MPPED1: variants seen among roughly 807,000 people sequenced by gnomAD.
MPPED1 encodes metallophosphoesterase domain-containing protein 1.
Under a neutral mutation model 36.2 loss-of-function variants are expected in MPPED1, and 16 were observed. The observed-to-expected ratio is 0.44, with a 90% confidence interval of 0.30 to 0.67. The LOEUF is 0.67. Ranked by LOEUF, MPPED1 falls within the 30% of genes least tolerant of loss-of-function variation. The probability of loss-of-function intolerance (pLI) is 0.10; values close to 1 mark genes in which losing one functional copy is unlikely to be tolerated. For missense variants in MPPED1, 307 were observed against 453.4 expected (o/e 0.68, Z 2.93); for synonymous variants, 199 against 191.3 (o/e 1.04, Z -0.33).
At chr22:43,496,526 A>G (rs867570178) in intron 4 of MPPED1, among the ~76,000 whole-genome samples, 6 of 16,240 alleles carry the variant, frequency 3.7e-4, no homozygotes, top group Admixed American at 8.0e-4. Context: ...GGTGGTGGAG[A>G]TGGTGGTGGT....
chr22:43,488,554 C>T (rs1203790657), intron 4 of MPPED1, among the ~76,000 whole-genome samples: 1 of 152,146 alleles, frequency 6.6e-6, no homozygotes, highest in Non-Finnish European at 1.5e-5. Flanking sequence ...TCGAAGGTTA[C>T]CATAAGAGCA....
At position 43,426,903 on chromosome 22, in the gene MPPED1, C is replaced by T. The variant is rs142619586; in HGVS notation, c.224+1694C>T. On this transcript the variant is annotated intron_variant, in intron 2 of 6. Transcript: ENST00000443721. ...CGGGTTTGGGCAGGAAGGAAGGCCC[C>T]GGGCCTCAGGCTTGCCGCTCCTCGG... 4.4e-3 allele frequency among the ~76,000 whole-genome samples: 664 copies of T among 152,294 alleles called. 5 individuals are homozygous for T. Among genetic ancestry groups the T allele is most frequent in the Admixed American group, 0.011 (161 of 15,298 alleles).
chr22:43,415,225 C>CAAAAAGAAAAAAAAAAA (rs1929036725), intron 1 of MPPED1, among the ~76,000 whole-genome samples: 1 of 49,414 alleles, frequency 2.0e-5, no homozygotes, highest in Non-Finnish European at 3.5e-5. Flanking sequence ...ATGTCAAAAG[C>CAAAAAGAAAAAAAAAAA]AAAAAAAAAA....
chr22:43,439,952 G>A (rs187875759), intron 3 of MPPED1, among the ~76,000 whole-genome samples: 62 of 152,358 alleles, frequency 4.1e-4, no homozygotes, highest in Admixed American at 3.1e-3. Flanking sequence ...TCCTCTGTAC[G>A]CCCAGAGCTC....
chr22:43,496,233 T>A (rs1254721259), intron 4 of MPPED1, among the ~76,000 whole-genome samples: 10 of 104,898 alleles, frequency 9.5e-5, no homozygotes, highest in African/African-American at 4.5e-5. Context: ...ATGGTGGTGG[T>A]GGAGGTGGTG....
chr22:43,505,422 C>T (rs1932788491), intron 6 of MPPED1, 76 bp from the exon 7 acceptor site: 1 of 1,331,380 alleles, frequency 7.5e-7, no homozygotes, highest in Non-Finnish European at 1.0e-6. Flanking sequence ...GGCTGAGTGC[C>T]CTATGACTGC....
At chr22:43,483,501 C>T (rs572334197) in intron 4 of MPPED1, among the ~76,000 whole-genome samples, 3 of 152,396 alleles carry the variant, frequency 2.0e-5, no homozygotes, top group South Asian at 2.1e-4. Flanking sequence ...GCCACGCCCT[C>T]GGTGCCTCCT....
At chr22:43,466,339 G>A (rs972789719) in intron 3 of MPPED1, among the ~76,000 whole-genome samples, 3 of 152,050 alleles carry the variant, frequency 2.0e-5, no homozygotes, top group Admixed American at 2.0e-4. Flanking sequence ...TTGTGGCACC[G>A]AGCTCTGGGA....
At position 43,505,624 on chromosome 22, in the gene MPPED1, C is replaced by T; in HGVS notation, c.*8C>T. On this transcript the variant is annotated 3_prime_UTR_variant, in exon 7 of 7. Coordinates refer to ENST00000443721, the MANE Select transcript of MPPED1 (RefSeq NM_001044370.2). ...ACACCCCGGAACTCCTGACTGCTCC[C>T]CACTGCCCCTGCCCTGCCCGCCCGT... 1.2e-6 allele frequency: 2 copies of T among 1,600,118 alleles called. No individual in the cohort carries two copies. The highest frequency in any genetic ancestry group is 8.5e-7 in the Non-Finnish European group (1 of 1,172,998).
chr22:43,431,080 C>T (rs1182518829), intron 2 of MPPED1, among the ~76,000 whole-genome samples: 2 of 122,790 alleles, frequency 1.6e-5, no homozygotes, highest in Admixed American at 1.0e-4. Context: ...CTCACTCTGT[C>T]GCCCAGGCTG....
chr22:43,500,290 G>GGTGGTGGA (rs1932665214), intron 5 of MPPED1, among the ~76,000 whole-genome samples: 1 of 9,038 alleles, frequency 1.1e-4, no homozygotes, highest in African/African-American at 4.7e-4. Flanking sequence ...GTGGTGATGG[G>GGTGGTGGA]GGTGGTGGTG....
intron 1 of MPPED1, among the ~76,000 whole-genome samples, chr22:43,422,042 C>T (rs991594177): frequency 6.6e-6 from 1 of 152,276 alleles, no homozygotes; most frequent in East Asian, 1.9e-4. Context: ...GGGGGGAGCC[C>T]GACCCTGCCC....
intron 4 of MPPED1, among the ~76,000 whole-genome samples, chr22:43,495,936 T>A (rs1932313778): frequency 7.2e-6 from 1 of 139,736 alleles, no homozygotes; most frequent in African/African-American, 2.7e-5. Context: ...GAGGTGATGG[T>A]GGAGGTAGTG....
At chr22:43,464,117 C>T (rs1931076834) in intron 3 of MPPED1, among the ~76,000 whole-genome samples, 1 of 151,914 alleles carries the variant, frequency 6.6e-6, no homozygotes, top group African/African-American at 2.4e-5. Context: ...CCATGTTGAC[C>T]AGGCTGGTCT....
chr22:43,471,224 C>G (rs1931364208), intron 3 of MPPED1, among the ~76,000 whole-genome samples: 1 of 152,256 alleles, frequency 6.6e-6, no homozygotes, highest in South Asian at 2.1e-4. Flanking sequence ...TACATGAGCA[C>G]TGGCTCTGCA....
At chr22:43,472,709 T>A (rs955490061) in intron 3 of MPPED1, among the ~76,000 whole-genome samples, 1 of 152,228 alleles carries the variant, frequency 6.6e-6, no homozygotes, top group Non-Finnish European at 1.5e-5. Flanking sequence ...TGTCTCGCCT[T>A]GGGGTTCCCT....
intron 4 of MPPED1, among the ~76,000 whole-genome samples, chr22:43,476,362 C>T (rs1053095545): frequency 2.3e-4 from 35 of 152,002 alleles, no homozygotes; most frequent in African/African-American, 8.0e-4. Flanking sequence ...GTAACCTGAG[C>T]CTTGAGGGAA....
At chr22:43,429,349 G>T (rs1389409406) in intron 2 of MPPED1, among the ~76,000 whole-genome samples, 3 of 152,224 alleles carry the variant, frequency 2.0e-5, no homozygotes, top group Admixed American at 2.0e-4. Flanking sequence ...AGCAAAGCAG[G>T]TGGGGAGGAC....
rs562259803 is a variant in MPPED1, at chr22:43,429,760, C to T, written c.224+4551C>T. Among the ~76,000 whole-genome samples, 9 of 152,110 alleles carry T rather than the reference C, an allele frequency of 5.9e-5. No homozygotes were observed. The South Asian group carries it at 1.2e-3, about 21-fold the overall frequency. ...GAGAAGAGAGTGAGAACGGGACAGGCGGCAAGACTCAGAAGGAGTGTCAGG... is the reference window on the plus strand; with the variant it reads ...GAGAAGAGAGTGAGAACGGGACAGGTGGCAAGACTCAGAAGGAGTGTCAGG... On this transcript the variant is annotated intron_variant, in intron 2 of 6. Transcript: ENST00000443721.
Sources: gnomAD v4.1 joint callset for allele counts (sites outside exome capture counted in the v4.1 genomes callset) on GRCh38, gnomAD v4.1.1 for gene constraint, MANE v1.5 for transcripts, NCBI Gene and HGNC (gene_info 2026-07-23, HGNC 2026-07-21) for gene names.